Variants in THSD4 observed in about 807,000 individuals in gnomAD.
THSD4 encodes thrombospondin type-1 domain-containing protein 4.
Under a neutral mutation model 119.0 loss-of-function variants are expected in THSD4, and 69 were observed. The ratio of observed to expected loss-of-function variants is 0.58; its 90% confidence interval spans 0.48 to 0.71. The LOEUF is 0.71. Among genes scored for constraint, THSD4 ranks in the 30% least tolerant of loss-of-function variants. THSD4 has a pLI of 0.00. For synonymous variants in THSD4, 524 were observed against 540.4 expected, an observed-to-expected ratio of 0.97 and a Z score of 0.42; for missense variants, 1,393 against 1,391.1, an observed-to-expected ratio of 1.00 and a Z score of -0.02.
upstream of THSD4, chr15:71,110,548 G>A (rs2040295438): frequency 6.5e-6 from 1 of 153,422 alleles, no homozygotes; most frequent in Admixed American, 6.4e-5. Context: ...CATATCAGCT[G>A]ATCAACAGCC....
At chr15:71,349,512 G>C (rs994709325) in intron 6 of THSD4, among the ~76,000 whole-genome samples, 2 of 152,070 alleles carry the variant, frequency 1.3e-5, no homozygotes, top group Non-Finnish European at 2.9e-5. Flanking sequence ...TTCTGTCTAC[G>C]TAGCACCTGT....
At chr15:71,267,712 AC>A (rs1485526621) in intron 6 of THSD4, among the ~76,000 whole-genome samples, 1 of 152,198 alleles carries the variant, frequency 6.6e-6, no homozygotes, top group African/African-American at 2.4e-5. Flanking sequence ...TATTCAGGAG[AC>A]CCATCTCATG....
chr15:71,127,091 C>T lies in THSD4; in HGVS notation c.-80+11393C>T, dbSNP rs569836640. On this transcript the variant is annotated intron_variant, in intron 1 of 17. Coordinates refer to ENST00000261862, the MANE Select transcript of THSD4 (RefSeq NM_024817.3). ...AACCATAACCTCACCATTGCCCCCA[C>T]CCTCCAGCCTCTGTAGCTACCATTC... Among the ~76,000 whole-genome samples, 5 of 152,332 alleles carry T rather than the reference C, an allele frequency of 3.3e-5. No individual in the cohort carries two copies. In the East Asian group the frequency reaches 7.7e-4, roughly 23 times the overall value.
At chr15:71,368,815 T>C (rs995668602) in intron 6 of THSD4, among the ~76,000 whole-genome samples, 42 of 152,242 alleles carry the variant, frequency 2.8e-4, no homozygotes, top group African/African-American at 1.0e-3. Flanking sequence ...TTTCCAATTC[T>C]GTGAAGAAAG....
intron 2 of THSD4, among the ~76,000 whole-genome samples, chr15:71,154,347 T>C (rs1421405114): frequency 6.6e-6 from 1 of 152,094 alleles, no homozygotes; most frequent in Non-Finnish European, 1.5e-5. Flanking sequence ...ATATGTGACA[T>C]CAAAAGGCTG....
At position 71,442,580 on chromosome 15, in the gene THSD4, ATAT is replaced by A. The variant is rs1266740970; in HGVS notation, c.1152+30758_1152+30760del. ...CAAAACTCCATCTCAAAAAAAAAAA[ATAT>A]ATATATATATATATATATGTGTGTG... On this transcript the variant is annotated intron_variant, in intron 7 of 17. Coordinates refer to ENST00000261862, the MANE Select transcript of THSD4 (RefSeq NM_024817.3). 2.4e-4 allele frequency among the ~76,000 whole-genome samples: 3 copies of A among 12,448 alleles called. 1 individual carries two copies. Among genetic ancestry groups the A allele is most frequent in the African/African-American group, 5.4e-4 (3 of 5,528 alleles). 8.2% of individuals were successfully genotyped at this position (12,448 alleles called of 152,430 possible).
chr15:71,479,525 A>G (rs1427624569), intron 7 of THSD4, among the ~76,000 whole-genome samples: 1 of 152,214 alleles, frequency 6.6e-6, no homozygotes, highest in Non-Finnish European at 1.5e-5. Flanking sequence ...TGGGAAACTG[A>G]GCACTAATTC....
At chr15:71,257,192 G>T (rs73433469) in intron 6 of THSD4, among the ~76,000 whole-genome samples, 192 of 152,226 alleles carry the variant, frequency 1.3e-3, no homozygotes, top group African/African-American at 4.5e-3. Context: ...GGCAGGCATT[G>T]CCCGTGAGTA....
intron 8 of THSD4, among the ~76,000 whole-genome samples, chr15:71,703,562 G>A (rs1485065896): frequency 2.0e-5 from 3 of 152,164 alleles, no homozygotes; most frequent in African/African-American, 7.2e-5. Context: ...AGAGGGGACA[G>A]GGTCTTACAT....
intron 8 of THSD4, among the ~76,000 whole-genome samples, chr15:71,679,415 G>A (rs1038924316): frequency 2.6e-5 from 4 of 152,206 alleles, no homozygotes; most frequent in African/African-American, 9.6e-5. Flanking sequence ...TAGACAATAT[G>A]TGAATGAATG....
chr15:71,503,225 T>C (rs1361651993), intron 7 of THSD4, among the ~76,000 whole-genome samples: 1 of 152,012 alleles, frequency 6.6e-6, no homozygotes, highest in Non-Finnish European at 1.5e-5. Context: ...TGCAAAGACA[T>C]TGGGAATGAT....
rs144546326 is a variant in THSD4, at chr15:71,519,675, G to A, written c.1152+107852G>A. 1.8e-3 allele frequency among the ~76,000 whole-genome samples: 269 copies of A among 152,346 alleles called. 1 individual carries two copies. Among genetic ancestry groups the A allele is most frequent in the African/African-American group, 6.1e-3 (254 of 41,572 alleles). On this transcript the variant is annotated intron_variant, in intron 7 of 17. Coordinates refer to ENST00000261862, the MANE Select transcript of THSD4 (RefSeq NM_024817.3). Reference sequence around the variant, plus strand: ...CTGTGCCTAGCCTGAATTAAGTGTTGAAAGATAACTCTGGTTTCTATGTAT... The same window carrying A: ...CTGTGCCTAGCCTGAATTAAGTGTTAAAAGATAACTCTGGTTTCTATGTAT...
intron 7 of THSD4, among the ~76,000 whole-genome samples, chr15:71,454,511 G>T (rs1305383848): frequency 6.6e-6 from 1 of 152,190 alleles, no homozygotes; most frequent in Non-Finnish European, 1.5e-5. Context: ...GGAGCCCGAG[G>T]CCCCGCGTGT....
At chr15:71,326,940 G>T (rs949370484) in intron 6 of THSD4, among the ~76,000 whole-genome samples, 4 of 151,074 alleles carry the variant, frequency 2.6e-5, no homozygotes, top group African/African-American at 9.7e-5. Context: ...GGCCGAGGTG[G>T]GTGGGTCACC....
At chr15:71,439,023 A>G (rs1332970203) in intron 7 of THSD4, among the ~76,000 whole-genome samples, 5 of 152,220 alleles carry the variant, frequency 3.3e-5, no homozygotes, top group African/African-American at 2.4e-5. Context: ...TCAAGATCTC[A>G]TGGACAGTTG....
intron 6 of THSD4, among the ~76,000 whole-genome samples, chr15:71,379,693 C>T (rs886671205): frequency 9.9e-5 from 15 of 151,612 alleles, no homozygotes; most frequent in African/African-American, 3.1e-4. Context: ...CTCCTGACCC[C>T]GTGATCCACC....
intron 6 of THSD4, among the ~76,000 whole-genome samples, chr15:71,406,989 G>T (rs1486950291): frequency 1.3e-5 from 2 of 152,012 alleles, no homozygotes; most frequent in Non-Finnish European, 2.9e-5. Context: ...CAGCCTGTCA[G>T]TTTTTACTTT....
At chr15:71,504,175 A>G (rs982791013) in intron 7 of THSD4, among the ~76,000 whole-genome samples, 6 of 152,230 alleles carry the variant, frequency 3.9e-5, no homozygotes, top group African/African-American at 1.4e-4. Flanking sequence ...CAAGTCATGC[A>G]GAATTTCACT....
intron 3 of THSD4, among the ~76,000 whole-genome samples, chr15:71,203,030 A>G (rs559532261): frequency 2.7e-4 from 41 of 152,296 alleles, no homozygotes; most frequent in African/African-American, 9.6e-4. Context: ...GGTAAGTGCT[A>G]TGGAGAAGGG....
Sources: gnomAD v4.1 joint callset for allele counts (sites outside exome capture counted in the v4.1 genomes callset) on GRCh38, gnomAD v4.1.1 for gene constraint, MANE v1.5 for transcripts, NCBI Gene and HGNC (gene_info 2026-07-23, HGNC 2026-07-21) for gene names.